FRYL: variants seen among roughly 807,000 people sequenced by gnomAD.
FRYL encodes protein furry homolog-like.
Under a neutral mutation model 351.2 loss-of-function variants are expected in FRYL, and 150 were observed. The ratio of observed to expected loss-of-function variants is 0.43; its 90% CI spans 0.37 to 0.49. FRYL has a LOEUF of 0.49. FRYL is among the 20% of genes least tolerant of loss of function. FRYL has a pLI of 0.00. For missense variants in FRYL, 3,036 were observed against 3,619.3 expected (o/e 0.84, Z 4.13); for synonymous variants, 1,153 against 1,257.1 (o/e 0.92, Z 1.75).
At chr4:48,645,224 C>T (rs1756228345) in intron 3 of FRYL, among the ~76,000 whole-genome samples, 1 of 148,216 alleles carries the variant, frequency 6.7e-6, no homozygotes, top group South Asian at 2.1e-4. Context: ...AAATGAAACA[C>T]TTAACACAGC....
intron 49 of FRYL, among the ~76,000 whole-genome samples, chr4:48,532,489 C>T (rs1169578209): frequency 6.6e-6 from 1 of 152,116 alleles, no homozygotes; most frequent in Non-Finnish European, 1.5e-5. Flanking sequence ...GAAACCCCAT[C>T]TCTACTAAAA....
intron 4 of FRYL, among the ~76,000 whole-genome samples, chr4:48,633,709 T>G (rs1229096593): frequency 6.6e-6 from 1 of 152,192 alleles, no homozygotes; most frequent in Admixed American, 6.5e-5. Context: ...TTTCTCTTAC[T>G]TTCTTCTGCA....
chr4:48,725,728 A>G (rs1770002261), intron 1 of FRYL, among the ~76,000 whole-genome samples: 1 of 151,886 alleles, frequency 6.6e-6, no homozygotes, highest in African/African-American at 2.4e-5. Flanking sequence ...GTGTTCAAGT[A>G]ATCTTTATTT....
intron 19 of FRYL, among the ~76,000 whole-genome samples, chr4:48,584,940 T>C (rs1195069671): frequency 6.6e-6 from 1 of 152,164 alleles, no homozygotes; most frequent in South Asian, 2.1e-4. Context: ...AGTAAACAAA[T>C]ATCATAGGAG....
intron 5 of FRYL, among the ~76,000 whole-genome samples, chr4:48,622,428 G>T (rs1750849005): frequency 1.3e-5 from 2 of 152,138 alleles, no homozygotes; most frequent in African/African-American, 4.8e-5. Context: ...ACATACAGGG[G>T]CCAGAGCACC....
chr4:48,511,009 G>A (rs1287966766), intron 57 of FRYL, 25 bp from the exon 58 acceptor site: 1 of 1,576,640 alleles, frequency 6.3e-7, no homozygotes, highest in Non-Finnish European at 8.6e-7. Context: ...AGAAGAAAGA[G>A]TTTAGTGTTT....
At chr4:48,680,888 A>C (rs1466637598) in intron 3 of FRYL, 2 of 791,568 alleles carry the variant, frequency 2.5e-6, no homozygotes, top group African/African-American at 3.7e-5. Flanking sequence ...CTTTCCTAAA[A>C]TACTTTTTTA....
At chr4:48,641,622 A>C (rs1476666789) in intron 3 of FRYL, among the ~76,000 whole-genome samples, 2 of 152,144 alleles carry the variant, frequency 1.3e-5, no homozygotes, top group African/African-American at 2.4e-5. Context: ...TTTATGATGA[A>C]GAAACTGACT....
intron 9 of FRYL, among the ~76,000 whole-genome samples, chr4:48,607,047 A>G (rs1011353273): frequency 6.6e-5 from 10 of 152,228 alleles, no homozygotes; most frequent in African/African-American, 2.4e-4. Flanking sequence ...CCAATCAATC[A>G]TACAGTACTA....
At chr4:48,767,245 GGA>G (rs886241525) in intron 1 of FRYL, among the ~76,000 whole-genome samples, 33 of 151,848 alleles carry the variant, frequency 2.2e-4, no homozygotes, top group African/African-American at 8.0e-4. Context: ...ATGGCCAGTA[GGA>G]GAGAGAGAGG....
At chr4:48,604,155 C>T (rs574296127) in intron 11 of FRYL, among the ~76,000 whole-genome samples, 2 of 152,232 alleles carry the variant, frequency 1.3e-5, no homozygotes, top group South Asian at 4.1e-4. Context: ...GGAGTCTTTC[C>T]TATCATACTC....
rs374292445 is a variant in FRYL at position 48,581,597 on chromosome 4, T to C, written c.1995A>G (p.Val665=). Residue 665 remains valine, a synonymous_variant, in exon 21 of 64, where the codon GTA becomes GTG. Coordinates refer to ENST00000358350, the MANE Select transcript of FRYL (RefSeq NM_015030.2). ...GAGGGGGATGAGAAGCTCCATTAGC[T>C]ACACCATGCTTGAAAAACAGAAGTT... ...HNKNQDTQHG[V]ANGASHPPPL... The C allele has an allele frequency of 5.0e-5, 79 of 1,586,798 alleles. No individual in the cohort carries two copies. The highest frequency in any genetic ancestry group is 6.1e-5 in the Non-Finnish European group (71 of 1,171,094).
intron 57 of FRYL, among the ~76,000 whole-genome samples, chr4:48,511,221 C>T (rs897396253): frequency 6.6e-6 from 1 of 152,122 alleles, no homozygotes; most frequent in Non-Finnish European, 1.5e-5. Context: ...TGCCATTCAT[C>T]TCCCTATTCC....
At chr4:48,649,086 C>T (rs544692319) in intron 3 of FRYL, among the ~76,000 whole-genome samples, 9 of 152,168 alleles carry the variant, frequency 5.9e-5, no homozygotes, top group African/African-American at 1.9e-4. Flanking sequence ...TACACAGATA[C>T]GTGTGCAAAG....
At chr4:48,711,011 G>A (rs1767934764) in intron 1 of FRYL, among the ~76,000 whole-genome samples, 1 of 152,218 alleles carries the variant, frequency 6.6e-6, no homozygotes, top group Admixed American at 6.5e-5. Context: ...ACCTTGCCAT[G>A]AAAAGGAATA....
chr4:48,718,772 A>C (rs1311993337), intron 1 of FRYL, among the ~76,000 whole-genome samples: 4 of 151,278 alleles, frequency 2.6e-5, no homozygotes, highest in African/African-American at 7.3e-5. Flanking sequence ...TTTTTCACAT[A>C]TCTCTCAGAA....
chr4:48,776,227 A>G lies in FRYL; in HGVS notation c.-384+3851T>C, dbSNP rs141775996. Among the ~76,000 whole-genome samples, 1,124 of 151,250 alleles carry G rather than the reference A, an allele frequency of 7.4e-3. 15 individuals are homozygous for G. Among genetic ancestry groups the G allele is most frequent in the African/African-American group, 0.025 (1,035 of 41,180 alleles). On this transcript the variant is annotated intron_variant, in intron 1 of 63. Transcript: ENST00000358350. ...GCTCTTTAACTCCTGGGCTCAAGCC[A>G]TCTTCCCGCCTCAGCCTCCCAAAGT...
chr4:48,708,625 T>A (rs1425398522), intron 2 of FRYL, among the ~76,000 whole-genome samples: 1 of 152,170 alleles, frequency 6.6e-6, no homozygotes, highest in Non-Finnish European at 1.5e-5. Flanking sequence ...TTATAAACAA[T>A]CCATTCACCC....
At position 48,499,542 on chromosome 4, in the gene FRYL, T is replaced by A; in HGVS notation, c.8922A>T (p.Glu2974Asp). The A allele has an allele frequency of 6.2e-7, 1 of 1,614,162 alleles. No homozygotes were observed. The highest frequency in any genetic ancestry group is 8.5e-7 in the Non-Finnish European group (1 of 1,180,002). ...AVIGSNLDMSEANYKLMELNL... is the reference protein window; with the variant it reads ...AVIGSNLDMSDANYKLMELNL... ...TAAGTTCCATCAGTTTGTAGTTGGC[T>A]TCTGACATGTCCAGGTTAGAGCCTA... Residue 2974 changes from glutamate to aspartate, a missense_variant, in exon 64 of 64, where the codon GAA (glutamate) becomes GAT (aspartate). Physicochemically the swap from Glu to Asp is conservative, Grantham distance 45 (BLOSUM62 2). Around this residue, in one of 7 missense-constraint regions of FRYL, gnomAD observed 1,987 missense variants for 2,311.7 expected, o/e 0.86. Coordinates refer to ENST00000358350, the MANE Select transcript of FRYL (RefSeq NM_015030.2).
Sources: allele counts gnomAD v4.1 joint callset (sites outside exome capture counted in the v4.1 genomes callset), GRCh38; gene constraint gnomAD v4.1.1; regional missense constraint gnomAD v4.1.1; transcripts MANE v1.5; gene names NCBI Gene and HGNC (gene_info 2026-07-23, HGNC 2026-07-21).